The following PALLD variants were observed in gnomAD, a reference collection of about 807,000 sequenced individuals.
PALLD encodes palladin, cytoskeletal associated protein.
A neutral mutation model predicts 123.5 loss-of-function variants in PALLD; 61 were observed. The observed-to-expected ratio is 0.49, with a 90% CI of 0.40 to 0.61. The LOEUF (loss-of-function observed/expected upper bound fraction) is 0.61. Among genes scored for constraint, PALLD ranks in the 20% least tolerant of loss-of-function variants. The probability of loss-of-function intolerance (pLI) is 0.00; values close to 1 mark genes in which losing one functional copy is unlikely to be tolerated. For synonymous variants in PALLD, 465 were observed against 496.4 expected, an observed-to-expected ratio of 0.94 and a Z score of 0.84; for missense variants, 1,273 against 1,377.0, an observed-to-expected ratio of 0.92 and a Z score of 1.20.
At chr4:168,578,811 T>TA (rs149159855) in intron 2 of PALLD, among the ~76,000 whole-genome samples, 13,959 of 151,326 alleles carry the variant, frequency 0.092, 880 homozygotes, top group South Asian at 0.18. Context: ...TCCCAGTGCT[T>TA]AAAAAAAAAC....
At chr4:168,650,648 T>C (rs1023899545) in intron 2 of PALLD, among the ~76,000 whole-genome samples, 3 of 152,220 alleles carry the variant, frequency 2.0e-5, no homozygotes, top group Non-Finnish European at 2.9e-5. Flanking sequence ...AAATTCTTTT[T>C]TTAACAGCTT....
chr4:168,553,119 C>A lies in PALLD; in HGVS notation c.908+40707C>A, dbSNP rs548822337. Among the ~76,000 whole-genome samples, 111 of 152,242 alleles carry A rather than the reference C, an allele frequency of 7.3e-4. 3 individuals are homozygous for A. Among genetic ancestry groups the A allele is most frequent in the African/African-American group, 1.2e-3 (50 of 41,558 alleles). On this transcript the variant is annotated intron_variant, in intron 2 of 21. Coordinates refer to ENST00000505667, the MANE Select transcript of PALLD (RefSeq NM_001166108.2). Reference sequence around the variant, plus strand: ...TTTTAAAGATGTGAAAACTGAGTCTCAGAGATATTAGGTAAGTCACCCAAG... The same window carrying A: ...TTTTAAAGATGTGAAAACTGAGTCTAAGAGATATTAGGTAAGTCACCCAAG...
At chr4:168,704,943 C>G (rs1784087815) in intron 8 of PALLD, among the ~76,000 whole-genome samples, 1 of 151,992 alleles carries the variant, frequency 6.6e-6, no homozygotes, top group African/African-American at 2.4e-5. Context: ...GCATAATGAA[C>G]TAGAATTTTA....
intron 8 of PALLD, among the ~76,000 whole-genome samples, chr4:168,697,799 C>T (rs1449420319): frequency 6.6e-6 from 1 of 152,158 alleles, no homozygotes; most frequent in African/African-American, 2.4e-5. Flanking sequence ...AAATGCTTAG[C>T]ATTCCAATAA....
At chr4:168,724,031 T>C (rs1463910962) in intron 10 of PALLD, among the ~76,000 whole-genome samples, 1 of 152,044 alleles carries the variant, frequency 6.6e-6, no homozygotes, top group Non-Finnish European at 1.5e-5. Context: ...TAGCTGGGAT[T>C]ACAGGCACGT....
intron 10 of PALLD, among the ~76,000 whole-genome samples, chr4:168,794,466 G>A (rs1020663065): frequency 6.7e-6 from 1 of 149,616 alleles, no homozygotes; most frequent in South Asian, 2.1e-4. Flanking sequence ...GCGCACAGAC[G>A]TACGTGCACA....
At chr4:168,581,756 T>C (rs1384901060) in intron 2 of PALLD, among the ~76,000 whole-genome samples, 4 of 152,096 alleles carry the variant, frequency 2.6e-5, no homozygotes, top group Non-Finnish European at 5.9e-5. Flanking sequence ...TGCAGAAGGT[T>C]TTAGTCTGAT....
Position 168,880,067 on chromosome 4 carries a change from G to C in PALLD, c.1965-10855G>C, listed in dbSNP as rs535354741. 1.6e-3 allele frequency among the ~76,000 whole-genome samples: 241 copies of C among 152,284 alleles called. 2 individuals are homozygous for C. The highest frequency in any genetic ancestry group is 4.0e-3 in the Admixed American group (61 of 15,304). ...TTCTAATATTTCTCTTATAGAATTT[G>C]ATCAAAGATTCGTTTTTCAAAGGTG... On this transcript the variant is annotated intron_variant, in intron 10 of 21. Coordinates refer to ENST00000505667, the MANE Select transcript of PALLD (RefSeq NM_001166108.2).
intron 2 of PALLD, among the ~76,000 whole-genome samples, chr4:168,630,685 G>A (rs1259996776): frequency 1.3e-5 from 2 of 152,156 alleles, no homozygotes; most frequent in African/African-American, 4.8e-5. Flanking sequence ...ATAGCTTCAT[G>A]GGTCCCTCAT....
At chr4:168,669,034 GA>G (rs1331943159) in intron 3 of PALLD, among the ~76,000 whole-genome samples, 6 of 152,150 alleles carry the variant, frequency 3.9e-5, no homozygotes, top group Admixed American at 3.9e-4. Flanking sequence ...AGAATAGTTG[GA>G]AGTGTTTTAA....
At chr4:168,633,428 C>T (rs1390167227) in intron 2 of PALLD, among the ~76,000 whole-genome samples, 1 of 152,130 alleles carries the variant, frequency 6.6e-6, no homozygotes, top group Non-Finnish European at 1.5e-5. Flanking sequence ...CCTTAGGAGG[C>T]TATAAAATAA....
intron 10 of PALLD, among the ~76,000 whole-genome samples, chr4:168,724,293 C>T (rs1786325488): frequency 6.6e-6 from 1 of 152,200 alleles, no homozygotes; most frequent in South Asian, 2.1e-4. Context: ...GGCTGAAATA[C>T]ATTAGGTTGA....
Position 168,926,726 on chromosome 4 carries a change from A to C in PALLD, c.*546A>C. 1 of 308,360 alleles carries C rather than the reference A, an allele frequency of 3.2e-6. No individual in the cohort carries two copies. Among genetic ancestry groups the C allele is most frequent in the Middle Eastern group, 9.3e-4 (1 of 1,072 alleles). 19.1% of individuals were successfully genotyped at this position (308,360 alleles called of 1,614,324 possible). A position where few individuals can be genotyped will look rare whatever the true frequency, so the allele number is the denominator to read the frequency against. On this transcript the variant is annotated 3_prime_UTR_variant, in exon 22 of 22. Transcript: ENST00000505667. ...ATCTACAAGTGCCTTTAAACACAAG[A>C]TATAGGTGCTGTGTAGCCTGATAGT... is the stretch of plus-strand genomic sequence containing the variant.
At chr4:168,575,007 T>G (rs1769402398) in intron 2 of PALLD, among the ~76,000 whole-genome samples, 1 of 152,148 alleles carries the variant, frequency 6.6e-6, no homozygotes, top group East Asian at 1.9e-4. Context: ...ATATCCGGGA[T>G]TAAAAGCTTA....
At chr4:168,732,792 A>T (rs1787311318) in intron 10 of PALLD, among the ~76,000 whole-genome samples, 1 of 152,234 alleles carries the variant, frequency 6.6e-6, no homozygotes, top group African/African-American at 2.4e-5. Context: ...ACAGATTTTT[A>T]TACAATCCGA....
chr4:168,637,200 T>G (rs1776427412), intron 2 of PALLD, among the ~76,000 whole-genome samples: 1 of 152,102 alleles, frequency 6.6e-6, no homozygotes, highest in Non-Finnish European at 1.5e-5. Flanking sequence ...TTACTTTGCT[T>G]GTATCGGAGG....
chr4:168,867,345 G>C (rs950029051), intron 10 of PALLD, among the ~76,000 whole-genome samples: 1 of 152,102 alleles, frequency 6.6e-6, no homozygotes, highest in Non-Finnish European at 1.5e-5. Flanking sequence ...TTTGGAAAAG[G>C]CCTCCCCTGG....
In PALLD at chr4:168,591,923, G is replaced by A. The variant is rs116254076; in HGVS notation, c.909-76267G>A. 1.1e-3 allele frequency among the ~76,000 whole-genome samples: 170 copies of A among 152,048 alleles called. 1 individual carries two copies. Among genetic ancestry groups the A allele is most frequent in the African/African-American group, 3.9e-3 (162 of 41,488 alleles). On this transcript the variant is annotated intron_variant, in intron 2 of 21. Coordinates refer to ENST00000505667, the MANE Select transcript of PALLD (RefSeq NM_001166108.2). ...AGCAATAAAAATATTATCCTAAAAAGTCACTTGGGTATTTGAGAAATAACT... is the reference window on the plus strand; with the variant it reads ...AGCAATAAAAATATTATCCTAAAAAATCACTTGGGTATTTGAGAAATAACT...
intron 2 of PALLD, among the ~76,000 whole-genome samples, chr4:168,576,115 T>G (rs979584230): frequency 6.6e-6 from 1 of 152,296 alleles, no homozygotes; most frequent in African/African-American, 2.4e-5. Flanking sequence ...TTTTAAAGTA[T>G]CATTGCATTT....
Sources: allele counts gnomAD v4.1 joint callset (sites outside exome capture counted in the v4.1 genomes callset), GRCh38; gene constraint gnomAD v4.1.1; transcripts MANE v1.5; gene names NCBI Gene and HGNC (gene_info 2026-07-23, HGNC 2026-07-21).